Variants in RIF1 observed in about 807,000 individuals in gnomAD.
RIF1 encodes the protein replication timing regulatory factor 1.
RIF1 carries 45 observed loss-of-function variants against 247.1 expected under a neutral mutation model. The observed-to-expected ratio is 0.18, with a 90% CI of 0.14 to 0.23. The LOEUF is 0.23. Ranked by LOEUF, RIF1 falls within the 10% of genes least tolerant of loss-of-function variation. The pLI, the probability that RIF1 is intolerant of heterozygous loss-of-function variation, is 1.00. For synonymous variants in RIF1, 1,087 were observed against 978.8 expected, an observed-to-expected ratio of 1.11 and a Z score of -2.06; for missense variants, 2,967 against 2,862.5, an observed-to-expected ratio of 1.04 and a Z score of -0.83.
At chr2:151,461,527 G>C (rs1380707852) in intron 27 of RIF1, among the ~76,000 whole-genome samples, 2 of 151,922 alleles carry the variant, frequency 1.3e-5, no homozygotes, top group Non-Finnish European at 2.9e-5. Flanking sequence ...GAGTAGCTGG[G>C]ACCACAGGCA....
At chr2:151,411,367 C>A (rs1573821525) in intron 3 of RIF1, 29 bp downstream of exon 3, 3 of 1,374,240 alleles carry the variant, frequency 2.2e-6, no homozygotes, top group Non-Finnish European at 3.0e-6. Context: ...AACAGTTTTT[C>A]ACTTTTGGTA....
At chr2:151,451,206 A>G (rs1254523359) in intron 20 of RIF1, among the ~76,000 whole-genome samples, 1 of 152,182 alleles carries the variant, frequency 6.6e-6, no homozygotes, top group Non-Finnish European at 1.5e-5. Context: ...ATAATACGGT[A>G]TTTTTACTGT....
At chr2:151,437,821 A>G (rs1691529105) in intron 13 of RIF1, among the ~76,000 whole-genome samples, 1 of 152,224 alleles carries the variant, frequency 6.6e-6, no homozygotes, top group Non-Finnish European at 1.5e-5. Context: ...TCATTTTACA[A>G]ATGAGAAAAT....
At position 151,451,691 on chromosome 2, in the gene RIF1, A is replaced by G. The variant is rs556065421; in HGVS notation, c.2330A>G (p.Gln777Arg). 2.6e-5 allele frequency: 37 copies of G among 1,411,612 alleles called. No homozygotes were observed. In the Admixed American group the frequency reaches 2.7e-4, roughly 10 times the overall value. 87.4% of individuals were successfully genotyped at this position (1,411,612 alleles called of 1,614,324 possible). The change falls in exon 21 of 36, where the codon CAG becomes CGG. Residue 777 changes from glutamine (Q) to arginine (R), a missense_variant. By Grantham distance (43) the Gln-to-Arg change is conservative (BLOSUM62 1). Around this residue, in one of 7 missense-constraint regions of RIF1, gnomAD observed 2,028 missense variants for 1,825.6 expected, o/e 1.11. Transcript: ENST00000444746. ...IDFSPYNIKY[Q>R]PKVKSPQRPS... ...TTCTCACCATATAATATTAAATATC[A>G]GCCCAAAGTTAAATGTAAGTATGTA...
intron 20 of RIF1, among the ~76,000 whole-genome samples, chr2:151,448,201 GC>G (rs1340313151): frequency 2.6e-5 from 4 of 151,468 alleles, no homozygotes; most frequent in African/African-American, 9.7e-5. Context: ...GCACCACCAT[GC>G]CTGGCTAATT....
chr2:151,485,389 T>G (rs2049585210), downstream of RIF1: 1 of 163,688 alleles, frequency 6.1e-6, no homozygotes, highest in African/African-American at 2.4e-5. Flanking sequence ...ATTATAAGTT[T>G]ATAACTTCAG....
At chr2:151,529,484 C>T in the RIF1 span, among the ~76,000 whole-genome samples, 1 of 152,102 alleles carries the variant, frequency 6.6e-6, no homozygotes, top group African/African-American at 2.4e-5. Flanking sequence ...GATGCACCTT[C>T]CTATCTCAGA....
intron 12 of RIF1, among the ~76,000 whole-genome samples, chr2:151,505,768 GTC>G (rs1033101839): frequency 2.0e-5 from 3 of 152,132 alleles, no homozygotes; most frequent in Admixed American, 6.5e-5. Flanking sequence ...GGGACGCTTT[GTC>G]TCTCTCTCGT....
chr2:151,475,730 T>C lies in RIF1; in HGVS notation c.*659T>C, dbSNP rs1166546141. The C allele has an allele frequency of 6.5e-6, 1 of 153,178 alleles. No individual in the cohort carries two copies. Among genetic ancestry groups the C allele is most frequent in the Admixed American group, 6.5e-5 (1 of 15,358 alleles). 9.5% of individuals were successfully genotyped at this position (153,178 alleles called of 1,614,324 possible). On this transcript the variant is annotated 3_prime_UTR_variant, in exon 36 of 36. Coordinates refer to ENST00000444746, the MANE Select transcript of RIF1 (RefSeq NM_018151.5). ...GCAGTTGACTGAAAATTTATTCTTATGAGACGTATAGTATTCATTTTTAAA... is the reference window on the plus strand; with the variant it reads ...GCAGTTGACTGAAAATTTATTCTTACGAGACGTATAGTATTCATTTTTAAA...
chr2:151,512,720 C>T (rs564325749), downstream of RIF1: 503 of 1,588,726 alleles, frequency 3.2e-4, 7 homozygotes, highest in South Asian at 4.9e-3. Flanking sequence ...GATGGCATGA[C>T]GAATGTCCTT....
At chr2:151,521,447 G>A in the RIF1 span, among the ~76,000 whole-genome samples, 3 of 152,234 alleles carry the variant, frequency 2.0e-5, no homozygotes, top group Non-Finnish European at 4.4e-5. Context: ...GGTCTGAGGT[G>A]TGAGCTGGTG....
rs1199344636 is a variant in RIF1 at position 151,494,273 on chromosome 2, C to A, written c.*416-956C>A. The stretch of plus-strand genomic sequence containing the variant: ...CAAAACCTATGGGAATCCAATGGGT[C>A]CAAAAAGCCAAAAAGAAAAAGAGTT... On this transcript the variant is annotated intron_variant and NMD_transcript_variant, in intron 9 of 13. Coordinates refer to the RIF1 transcript ENST00000454583. The A allele has an allele frequency of 1.1e-5, 16 of 1,463,012 alleles. No individual in the cohort carries two copies. Among genetic ancestry groups the A allele is most frequent in the Non-Finnish European group, 1.3e-5 (14 of 1,064,828 alleles). 90.6% of individuals were successfully genotyped at this position (1,463,012 alleles called of 1,614,324 possible).
chr2:151,415,290 T>C (rs184576369), intron 4 of RIF1, among the ~76,000 whole-genome samples: 1 of 145,524 alleles, frequency 6.9e-6, no homozygotes, highest in East Asian at 2.0e-4. Flanking sequence ...GAGTTTGCAG[T>C]GAGTCGAGAT....
At chr2:151,524,664 T>G in the RIF1 span, 1 of 1,367,730 alleles carries the variant, frequency 7.3e-7, no homozygotes, top group South Asian at 1.3e-5. Flanking sequence ...CTTTTTTTTT[T>G]TTTTTTTTTT....
chr2:151,437,633 G>A (rs1691479658), intron 13 of RIF1, among the ~76,000 whole-genome samples: 1 of 152,202 alleles, frequency 6.6e-6, no homozygotes, highest in Non-Finnish European at 1.5e-5. Flanking sequence ...GGAAGTTGCA[G>A]TGAGCCAAGA....
chr2:151,441,120 C>T (rs1323119360), intron 15 of RIF1, among the ~76,000 whole-genome samples: 2 of 152,142 alleles, frequency 1.3e-5, no homozygotes, highest in East Asian at 3.9e-4. Flanking sequence ...TTTATGGAAG[C>T]AGAGGTGGGA....
At chr2:151,412,838 G>A (rs138439213) in intron 3 of RIF1, among the ~76,000 whole-genome samples, 1 of 151,950 alleles carries the variant, frequency 6.6e-6, no homozygotes, top group East Asian at 1.9e-4. Context: ...GTGATTTTTG[G>A]CGAAGTATTA....
In RIF1 at chr2:151,446,547, T is replaced by C. The variant is rs774790145; in HGVS notation, c.2216T>C (p.Met739Thr). ...LCCEELSSKI[M>T]SSLEDEGFSN... is the part of the protein sequence containing the mutation. The stretch of plus-strand genomic sequence containing the variant: ...TGTGAGGAACTTTCTTCCAAGATAA[T>C]GTCCAGTTTGGAAGATGAAGGCTTT... Residue 739 changes from methionine (M) to threonine (T), a missense_variant, in exon 20 of 36, where the codon ATG becomes ACG. Met to Thr is a moderately conservative substitution (Grantham distance 81, BLOSUM62 -1). This residue lies in a region of RIF1 where 2,028 missense variants were observed against 1,825.6 expected (regional missense o/e 1.11). Transcript: ENST00000444746. The C allele has an allele frequency of 2.5e-6, 4 of 1,612,794 alleles. No individual in the cohort carries two copies. In the East Asian group the frequency reaches 8.9e-5, roughly 36 times the overall value.
chr2:151,472,161 G>A (rs1395032370), intron 34 of RIF1, among the ~76,000 whole-genome samples: 2 of 151,946 alleles, frequency 1.3e-5, no homozygotes, highest in Non-Finnish European at 2.9e-5. Context: ...TCATGATTTG[G>A]CTCTCTGTTT....
Sources: allele counts gnomAD v4.1 joint callset (sites outside exome capture counted in the v4.1 genomes callset), GRCh38; gene constraint gnomAD v4.1.1; regional missense constraint gnomAD v4.1.1; transcripts MANE v1.5; gene names NCBI Gene and HGNC (gene_info 2026-07-23, HGNC 2026-07-21).